The following TSPAN18 variants were observed in gnomAD, a reference collection of about 807,000 sequenced individuals.
TSPAN18 encodes the protein tetraspanin 18, also known as tetraspanin-18.
TSPAN18 carries 14 observed loss-of-function variants against 27.3 expected under a neutral mutation model. That is an observed-to-expected ratio of 0.51 (90% CI 0.34 to 0.80). The LOEUF is 0.80. Ranked by LOEUF, TSPAN18 falls within the 30% of genes least tolerant of loss-of-function variation. TSPAN18 has a pLI of 0.01. For synonymous variants in TSPAN18, 143 were observed against 136.5 expected (o/e 1.05, Z -0.33); for missense variants, 268 against 323.9 (o/e 0.83, Z 1.32).
chr11:44,906,440 C>A lies in TSPAN18; in HGVS notation c.24C>A (p.Cys8Ter). ...CCATGGAAGGCGACTGTCTGAGCTG[C>A]ATGAAGTATCTGATGTTTGTATTCA... MEGDCLS[C>*]MKYLMFVFNF... Residue 8 changes from cysteine (C) to a stop codon, truncating the protein, a stop_gained, in exon 4 of 10, where the codon TGC becomes TGA. Transcript: ENST00000520358. LOFTEE classifies it high-confidence loss of function. 6.2e-7 allele frequency: 1 copy of A among 1,614,222 alleles called. No homozygotes were observed.
intron 2 of TSPAN18, among the ~76,000 whole-genome samples, chr11:44,823,498 G>A (rs866111517): frequency 2.0e-5 from 3 of 152,120 alleles, no homozygotes; most frequent in African/African-American, 7.2e-5. Flanking sequence ...TGCAAAAAAG[G>A]TTAAAGTAAA....
intron 2 of TSPAN18, among the ~76,000 whole-genome samples, chr11:44,818,557 C>T (rs1199655403): frequency 6.6e-6 from 1 of 152,178 alleles, no homozygotes; most frequent in Non-Finnish European, 1.5e-5. Flanking sequence ...GGCTTCTCTC[C>T]TGTGTGCCCA....
intron 2 of TSPAN18, among the ~76,000 whole-genome samples, chr11:44,768,110 T>G (rs1050903156): frequency 6.6e-6 from 1 of 152,258 alleles, no homozygotes; most frequent in Non-Finnish European, 1.5e-5. Context: ...CAAATAAACC[T>G]TAGAATCAGT....
chr11:44,801,837 G>A (rs1399641025), intron 2 of TSPAN18, among the ~76,000 whole-genome samples: 1 of 152,098 alleles, frequency 6.6e-6, no homozygotes, highest in Non-Finnish European at 1.5e-5. Flanking sequence ...TTTGAGACAA[G>A]CCTGGGCCAC....
intron 3 of TSPAN18, among the ~76,000 whole-genome samples, chr11:44,879,871 A>C (rs1230332319): frequency 6.6e-6 from 1 of 152,230 alleles, no homozygotes; most frequent in Non-Finnish European, 1.5e-5. Flanking sequence ...TGGAAACTCA[A>C]GGCAAGTTGT....
At chr11:44,849,986 T>C (rs1857562703) in intron 2 of TSPAN18, among the ~76,000 whole-genome samples, 1 of 152,144 alleles carries the variant, frequency 6.6e-6, no homozygotes, top group Non-Finnish European at 1.5e-5. Context: ...GGATGGGGTC[T>C]CTCCTGACTG....
chr11:44,877,215 A>G (rs1306180896), intron 3 of TSPAN18, among the ~76,000 whole-genome samples: 1 of 152,258 alleles, frequency 6.6e-6, no homozygotes, highest in Non-Finnish European at 1.5e-5. Context: ...CGACGTCTGC[A>G]GGGTATGGCA....
At chr11:44,745,552 A>G (rs1424390778) in intron 1 of TSPAN18, among the ~76,000 whole-genome samples, 2 of 152,220 alleles carry the variant, frequency 1.3e-5, no homozygotes, top group East Asian at 3.8e-4. Flanking sequence ...ACCTTTGGGC[A>G]TGAGTTGGGG....
chr11:44,750,815 T>C (rs371434784), intron 1 of TSPAN18, among the ~76,000 whole-genome samples: 2 of 152,106 alleles, frequency 1.3e-5, no homozygotes, highest in East Asian at 3.9e-4. Context: ...ATCTGGGACA[T>C]TGGATGTTTA....
intron 2 of TSPAN18, among the ~76,000 whole-genome samples, chr11:44,851,644 A>C (rs1290725685): frequency 1.9e-4 from 24 of 129,712 alleles, no homozygotes; most frequent in Non-Finnish European, 2.1e-4. Context: ...GTCCCTGTCT[A>C]CCTCCCTCCT....
At chr11:44,746,880 C>T (rs77677930) in intron 1 of TSPAN18, among the ~76,000 whole-genome samples, 4,090 of 152,310 alleles carry the variant, frequency 0.027, 70 homozygotes, top group Non-Finnish European at 0.044. Flanking sequence ...CTGGTGCTAC[C>T]CCTTGTGCCT....
intron 1 of TSPAN18, among the ~76,000 whole-genome samples, chr11:44,758,025 T>G (rs1399761057): frequency 1.3e-5 from 2 of 152,232 alleles, no homozygotes; most frequent in Non-Finnish European, 2.9e-5. Flanking sequence ...TAGTGTCATA[T>G]CCAAGAAATC....
chr11:44,853,524 TACTC>T (rs1171455164), intron 2 of TSPAN18, among the ~76,000 whole-genome samples: 1 of 152,188 alleles, frequency 6.6e-6, no homozygotes, highest in African/African-American at 2.4e-5. Context: ...CTGTATTAAA[TACTC>T]ACAAGAATCC....
At chr11:44,857,437 T>C (rs1375087987) in intron 2 of TSPAN18, among the ~76,000 whole-genome samples, 3 of 152,208 alleles carry the variant, frequency 2.0e-5, no homozygotes, top group Non-Finnish European at 4.4e-5. Context: ...CCCCCGTGGA[T>C]GCCAATGCTC....
intron 2 of TSPAN18, among the ~76,000 whole-genome samples, chr11:44,847,450 A>C (rs1442355079): frequency 1.3e-5 from 2 of 152,264 alleles, no homozygotes; most frequent in Non-Finnish European, 2.9e-5. Flanking sequence ...TGGGAGGTTC[A>C]TCCACATTGT....
intron 2 of TSPAN18, among the ~76,000 whole-genome samples, chr11:44,801,924 C>T (rs835813): frequency 0.17 from 26,155 of 151,952 alleles, 2,419 homozygotes; most frequent in African/African-American, 0.2. Flanking sequence ...CCCAGCTACT[C>T]GGAAGGCTGA....
intron 2 of TSPAN18, among the ~76,000 whole-genome samples, chr11:44,796,143 G>A (rs1856344833): frequency 6.6e-6 from 1 of 152,194 alleles, no homozygotes; most frequent in Non-Finnish European, 1.5e-5. Context: ...AAGCTGAGAT[G>A]TCACAGAATG....
intron 1 of TSPAN18, among the ~76,000 whole-genome samples, chr11:44,742,898 C>A (rs1854978924): frequency 6.6e-6 from 1 of 152,252 alleles, no homozygotes; most frequent in Non-Finnish European, 1.5e-5. Context: ...GATGGACCCA[C>A]CAGGCCAGGG....
chr11:44,762,354 A>G lies in TSPAN18; in HGVS notation c.-239-2072A>G, dbSNP rs76163037. Among the ~76,000 whole-genome samples, 1,031 of 152,350 alleles carry G rather than the reference A, an allele frequency of 6.8e-3. 12 individuals carry two copies. Among genetic ancestry groups the G allele is most frequent in the African/African-American group, 0.024 (990 of 41,586 alleles). On this transcript the variant is annotated intron_variant, in intron 1 of 9. Transcript: ENST00000520358. ...TGATATCATTGACAAATGATATTGC[A>G]GAATGTGTGTGGTAAGATCCCACTT...
Sources: gnomAD v4.1 joint callset for allele counts (sites outside exome capture counted in the v4.1 genomes callset) on GRCh38, gnomAD v4.1.1 for gene constraint, MANE v1.5 for transcripts, NCBI Gene and HGNC (gene_info 2026-07-23, HGNC 2026-07-21) for gene names.